AUTS2: variants seen among roughly 807,000 people sequenced by gnomAD.
AUTS2 encodes autism susceptibility gene 2 protein.
In AUTS2, 17 loss-of-function variants were observed where a neutral mutation model predicts 112.4. The observed-to-expected ratio is 0.15, with a 90% CI of 0.10 to 0.23. The LOEUF (loss-of-function observed/expected upper bound fraction) is 0.23, where lower values mean the gene tolerates loss of function less well. Among genes scored for constraint, AUTS2 ranks in the 10% least tolerant of loss-of-function variants. The pLI is 1.00. For synonymous variants in AUTS2, 751 were observed against 702.7 expected (o/e 1.07, Z -1.09); for missense variants, 1,510 against 1,701.6 (o/e 0.89, Z 1.98).
At chr7:70,567,799 G>A (rs960833813) in intron 5 of AUTS2, among the ~76,000 whole-genome samples, 33 of 152,184 alleles carry the variant, frequency 2.2e-4, no homozygotes, top group Non-Finnish European at 2.9e-5. Context: ...CACTAAGGGC[G>A]CTCCTCCCAC....
chr7:70,183,212 C>A (rs1167600184), intron 4 of AUTS2, among the ~76,000 whole-genome samples: 1 of 151,984 alleles, frequency 6.6e-6, no homozygotes, highest in African/African-American at 2.4e-5. Flanking sequence ...AAAAAAAAAT[C>A]CTCAAGTCAA....
At chr7:70,368,074 G>C (rs1792667783) in intron 4 of AUTS2, among the ~76,000 whole-genome samples, 1 of 152,152 alleles carries the variant, frequency 6.6e-6, no homozygotes, top group Non-Finnish European at 1.5e-5. Flanking sequence ...GGGATAGTAA[G>C]GGGTTTGGAA....
intron 4 of AUTS2, among the ~76,000 whole-genome samples, chr7:70,205,559 A>G (rs1472395203): frequency 1.3e-5 from 2 of 152,200 alleles, no homozygotes; most frequent in Non-Finnish European, 2.9e-5. Context: ...ATAGGCAACT[A>G]TGCTATTCAG....
intron 5 of AUTS2, among the ~76,000 whole-genome samples, chr7:70,628,760 G>C (rs1805098073): frequency 6.6e-6 from 1 of 152,180 alleles, no homozygotes; most frequent in African/African-American, 2.4e-5. Context: ...CCAGAATTAA[G>C]ACAGCATTAA....
chr7:69,889,829 G>T (rs540572829), intron 1 of AUTS2, among the ~76,000 whole-genome samples: 1 of 152,256 alleles, frequency 6.6e-6, no homozygotes, highest in South Asian at 2.1e-4. Flanking sequence ...TTCTGCCCTT[G>T]GAGAGGCCTG....
intron 6 of AUTS2, among the ~76,000 whole-genome samples, chr7:70,721,386 C>T (rs1318115706): frequency 2.0e-5 from 3 of 151,372 alleles, no homozygotes; most frequent in Non-Finnish European, 4.4e-5. Flanking sequence ...GCAACCTTTG[C>T]CTCCTGGGTT....
intron 2 of AUTS2, among the ~76,000 whole-genome samples, chr7:69,985,227 T>TAAA (rs71068005): frequency 2.3e-4 from 24 of 104,678 alleles, no homozygotes; most frequent in African/African-American, 6.6e-4. Flanking sequence ...GAAGACTCTC[T>TAAA]AAAAAAAAAA....
chr7:70,434,032 T>C (rs747099694), intron 4 of AUTS2, among the ~76,000 whole-genome samples: 4 of 152,214 alleles, frequency 2.6e-5, no homozygotes, highest in Non-Finnish European at 4.4e-5. Context: ...CTGTTGTTTT[T>C]GTACTGAGTC....
chr7:69,842,412 T>G (rs1792021343), intron 1 of AUTS2, among the ~76,000 whole-genome samples: 1 of 152,196 alleles, frequency 6.6e-6, no homozygotes, highest in African/African-American at 2.4e-5. Context: ...TCATAACATA[T>G]TCTTTAAGAA....
At chr7:70,268,782 G>A (rs931658385) in intron 4 of AUTS2, among the ~76,000 whole-genome samples, 6 of 152,010 alleles carry the variant, frequency 3.9e-5, no homozygotes, top group Non-Finnish European at 7.4e-5. Context: ...GGGACTAGTT[G>A]TTTTTTTAAA....
chr7:70,263,604 T>A (rs1456952252), intron 4 of AUTS2, among the ~76,000 whole-genome samples: 1 of 152,210 alleles, frequency 6.6e-6, no homozygotes, highest in Non-Finnish European at 1.5e-5. Flanking sequence ...CTTTATTACT[T>A]TGTGCTTCAC....
At chr7:69,817,742 G>A (rs560926204) in intron 1 of AUTS2, among the ~76,000 whole-genome samples, 3 of 152,266 alleles carry the variant, frequency 2.0e-5, no homozygotes, top group South Asian at 2.1e-4. Flanking sequence ...CTTGGGTGGC[G>A]GGACAGCCCT....
chr7:70,234,002 A>G (rs531275459), intron 4 of AUTS2, among the ~76,000 whole-genome samples: 124 of 152,348 alleles, frequency 8.1e-4, no homozygotes, highest in African/African-American at 2.9e-3. Flanking sequence ...ATCAAACTAA[A>G]AGAGAAAACA....
At chr7:69,784,283 A>G (rs929145670) in intron 1 of AUTS2, among the ~76,000 whole-genome samples, 3 of 152,210 alleles carry the variant, frequency 2.0e-5, no homozygotes, top group African/African-American at 7.2e-5. Flanking sequence ...CACTTGGAAT[A>G]ATCTAAAATC....
At chr7:70,043,288 C>T (rs1403425158) in intron 2 of AUTS2, among the ~76,000 whole-genome samples, 1 of 152,112 alleles carries the variant, frequency 6.6e-6, no homozygotes, top group African/African-American at 2.4e-5. Flanking sequence ...ATGCCAGGGT[C>T]ATATTGTAAG....
chr7:70,466,473 G>T (rs1797170082), intron 5 of AUTS2, among the ~76,000 whole-genome samples: 1 of 152,158 alleles, frequency 6.6e-6, no homozygotes, highest in African/African-American at 2.4e-5. Context: ...CTGCTAGGTA[G>T]TGAATAAGGC....
chr7:70,455,991 C>T (rs1237928544), intron 5 of AUTS2, among the ~76,000 whole-genome samples: 1 of 152,172 alleles, frequency 6.6e-6, no homozygotes, highest in African/African-American at 2.4e-5. Context: ...CTACCGGCCT[C>T]TAAACTTCAG....
In AUTS2 at chr7:70,134,493, A is replaced by C. The variant is rs771664355; in HGVS notation, c.625-43A>C. 1.9e-6 allele frequency: 3 copies of C among 1,598,994 alleles called. No individual in the cohort carries two copies. In the South Asian group the frequency reaches 3.3e-5, roughly 18 times the overall value. The stretch of plus-strand genomic sequence containing the variant: ...CTGTGTGGATTGGAACGTGTTAAAA[A>C]CCATTGCTGATTTTCCACTTTTGTC... On this transcript the variant is annotated intron_variant, in intron 3 of 18. Transcript: ENST00000342771.
intron 5 of AUTS2, among the ~76,000 whole-genome samples, chr7:70,590,242 C>G (rs1802881676): frequency 6.6e-6 from 1 of 152,118 alleles, no homozygotes. Context: ...GAGGGCAGTT[C>G]TTTGCAGCTT....
Sources: allele counts gnomAD v4.1 joint callset (sites outside exome capture counted in the v4.1 genomes callset), GRCh38; gene constraint gnomAD v4.1.1; transcripts MANE v1.5; gene names NCBI Gene and HGNC (gene_info 2026-07-23, HGNC 2026-07-21).